The following TNFRSF11B variants were observed in gnomAD, a reference collection of about 807,000 sequenced individuals.
The protein encoded by TNFRSF11B is tumor necrosis factor receptor superfamily member 11B.
In TNFRSF11B, 16 loss-of-function variants were observed where a neutral mutation model predicts 43.4. That is an observed-to-expected ratio of 0.37 (90% CI 0.25 to 0.56). The LOEUF is 0.56. Among genes scored for constraint, TNFRSF11B ranks in the 20% least tolerant of loss-of-function variants. The pLI, the probability that TNFRSF11B is intolerant of heterozygous loss-of-function variation, is 0.80. For synonymous variants in TNFRSF11B, 185 were observed against 181.8 expected, an observed-to-expected ratio of 1.02 and a Z score of -0.14; for missense variants, 444 against 490.1, an observed-to-expected ratio of 0.91 and a Z score of 0.89.
At chr8:118,940,589 C>T (rs1249808169) in intron 1 of TNFRSF11B, among the ~76,000 whole-genome samples, 1 of 152,138 alleles carries the variant, frequency 6.6e-6, no homozygotes, top group African/African-American at 2.4e-5. Flanking sequence ...AAATAAGGGT[C>T]AGACTATCAT....
chr8:118,928,546 G>A (rs190172426), intron 3 of TNFRSF11B, among the ~76,000 whole-genome samples, 192 bp downstream of exon 3: 105 of 152,302 alleles, frequency 6.9e-4, no homozygotes, highest in African/African-American at 2.1e-3. Flanking sequence ...TTATCTGTGA[G>A]AAGATGAGTT....
Position 118,933,262 on chromosome 8 carries a change from C to T in TNFRSF11B, c.69G>A (p.Thr23=), listed in dbSNP as rs146450643. The T allele has an allele frequency of 1.3e-4, 214 of 1,614,010 alleles. No individual in the cohort carries two copies. In the Middle Eastern group the frequency reaches 2.3e-3, roughly 17 times the overall value. The change falls in exon 2 of 5, where the codon ACG becomes ACA. Residue 23 remains threonine, a synonymous_variant. Coordinates refer to ENST00000297350, the MANE Select transcript of TNFRSF11B (RefSeq NM_002546.4). ...CATAATGAAGGTACTTTGGAGGAAA[C>T]GTTTCCTGGGTGGTCCACTTAATGG... is the stretch of plus-strand genomic sequence containing the variant. ...DISIKWTTQE[T]FPPKYLHYDE...
intron 2 of TNFRSF11B, among the ~76,000 whole-genome samples, chr8:118,929,744 G>T (rs1233544586): frequency 3.9e-5 from 6 of 152,124 alleles, no homozygotes; most frequent in Non-Finnish European, 7.3e-5. Context: ...ACTATATTAC[G>T]CATGGCTAGA....
intron 1 of TNFRSF11B, among the ~76,000 whole-genome samples, chr8:118,951,527 TC>T (rs1180876579): frequency 6.6e-6 from 1 of 152,168 alleles, no homozygotes; most frequent in Non-Finnish European, 1.5e-5. Context: ...AGTTTCTCTC[TC>T]TCTCTCTCTC....
intron 1 of TNFRSF11B, among the ~76,000 whole-genome samples, chr8:118,938,087 T>C (rs972539657): frequency 1.3e-5 from 2 of 152,206 alleles, no homozygotes; most frequent in Admixed American, 1.3e-4. Context: ...GAAAGTATCA[T>C]AATGGTATAT....
chr8:118,946,821 A>T (rs576606017), intron 1 of TNFRSF11B, among the ~76,000 whole-genome samples: 24 of 152,172 alleles, frequency 1.6e-4, no homozygotes, highest in Non-Finnish European at 3.2e-4. Context: ...AATATTTTAT[A>T]TCTAAATGCC....
intron 4 of TNFRSF11B, 136 bp from the exon 5 acceptor site, chr8:118,924,898 GGAGTT>G: frequency 9.7e-7 from 1 of 1,036,090 alleles, no homozygotes. Flanking sequence ...CTTTTGAGAG[GGAGTT>G]AAGTGACACC....
Position 118,928,127 on chromosome 8 carries a change from G to A in TNFRSF11B, c.592+611C>T, listed in dbSNP as rs535495329. Among the ~76,000 whole-genome samples, 37 of 152,058 alleles carry A rather than the reference G, an allele frequency of 2.4e-4. No homozygotes were observed. The South Asian group carries it at 7.3e-3, about 30-fold the overall frequency. On this transcript the variant is annotated intron_variant, in intron 3 of 4. Transcript: ENST00000297350. ...CAACCTCCATCTCCTGGGTTCAAGC[G>A]ATTCTCCTGCCTCAGCCCTGAGTAG...
chr8:118,924,658 C>A lies in TNFRSF11B; in HGVS notation c.922G>T (p.Gly308Ter). The change falls in exon 5 of 5, where the codon GGA (glycine) becomes TGA (stop). Residue 308 changes from glycine to a stop codon, truncating the protein, a stop_gained. Coordinates refer to ENST00000297350, the MANE Select transcript of TNFRSF11B (RefSeq NM_002546.4). LOFTEE classifies it high-confidence loss of function. ...LMESLPGKKV[G>*]AEDIEKTIKA... ...ATTGTTTTTTCAATGTCTTCTGCTC[C>A]CACTTTCTTTCCCGGTAAGCTTTCC... is the stretch of plus-strand genomic sequence containing the variant. The A allele has an allele frequency of 6.2e-7, 1 of 1,614,084 alleles. No individual in the cohort carries two copies. Among genetic ancestry groups the A allele is most frequent in the Non-Finnish European group, 8.5e-7 (1 of 1,180,018 alleles).
chr8:118,947,957 T>G (rs1812591021), intron 1 of TNFRSF11B, among the ~76,000 whole-genome samples: 1 of 152,184 alleles, frequency 6.6e-6, no homozygotes, highest in South Asian at 2.1e-4. Flanking sequence ...ATTACTTTCT[T>G]TTTATTACTT....
intron 2 of TNFRSF11B, among the ~76,000 whole-genome samples, chr8:118,931,855 C>T (rs764279071): frequency 2.0e-5 from 3 of 152,066 alleles, no homozygotes; most frequent in Non-Finnish European, 4.4e-5. Flanking sequence ...GCATTGATGA[C>T]CCTGTTCTCA....
At chr8:118,926,155 T>C (rs1812241454) in intron 4 of TNFRSF11B, among the ~76,000 whole-genome samples, 1 of 152,188 alleles carries the variant, frequency 6.6e-6, no homozygotes, top group Admixed American at 6.5e-5. Context: ...TTATAGAGCT[T>C]CTCCTTGGTG....
intron 1 of TNFRSF11B, among the ~76,000 whole-genome samples, chr8:118,950,361 G>C (rs1812624132): frequency 6.6e-6 from 1 of 152,180 alleles, no homozygotes; most frequent in South Asian, 2.1e-4. Context: ...ATATCCTACA[G>C]TAGAGATGAA....
chr8:118,938,363 T>C (rs560947067), intron 1 of TNFRSF11B, among the ~76,000 whole-genome samples: 1 of 152,270 alleles, frequency 6.6e-6, no homozygotes, highest in South Asian at 2.1e-4. Context: ...ATATATAATA[T>C]TTTGGTTTAT....
intron 4 of TNFRSF11B, among the ~76,000 whole-genome samples, chr8:118,925,932 T>C (rs1036417321): frequency 2.0e-5 from 3 of 152,248 alleles, no homozygotes; most frequent in Non-Finnish European, 4.4e-5. Context: ...CATTTTGCTG[T>C]AACTAGCTTT....
At chr8:118,945,629 GAAATTGATGC>G (rs1202086887) in intron 1 of TNFRSF11B, among the ~76,000 whole-genome samples, 1 of 152,116 alleles carries the variant, frequency 6.6e-6, no homozygotes, top group Non-Finnish European at 1.5e-5. Context: ...TGGTGGTGGT[GAAATTGATGC>G]AAATTGATGG....
At chr8:118,939,744 A>C (rs1458678964) in intron 1 of TNFRSF11B, among the ~76,000 whole-genome samples, 1 of 152,204 alleles carries the variant, frequency 6.6e-6, no homozygotes, top group African/African-American at 2.4e-5. Context: ...TGTATTGGGA[A>C]CTCAGGACAG....
At chr8:118,938,634 TAGA>T (rs1464171087) in intron 1 of TNFRSF11B, among the ~76,000 whole-genome samples, 1 of 152,210 alleles carries the variant, frequency 6.6e-6, no homozygotes, top group Non-Finnish European at 1.5e-5. Flanking sequence ...GGCATAGAGT[TAGA>T]AGATCACCAG....
At chr8:118,929,565 A>T (rs1812296754) in intron 2 of TNFRSF11B, among the ~76,000 whole-genome samples, 1 of 152,252 alleles carries the variant, frequency 6.6e-6, no homozygotes, top group Non-Finnish European at 1.5e-5. Context: ...CCATTTGCTT[A>T]AACTGTTTAA....
Sources: allele counts gnomAD v4.1 joint callset (sites outside exome capture counted in the v4.1 genomes callset), GRCh38; gene constraint gnomAD v4.1.1; transcripts MANE v1.5; gene names NCBI Gene and HGNC (gene_info 2026-07-23, HGNC 2026-07-21).